ATG7: variants seen among roughly 807,000 people sequenced by gnomAD.
ATG7 encodes ubiquitin-like modifier-activating enzyme ATG7.
ATG7 carries 70 observed loss-of-function variants against 82.4 expected under a neutral mutation model. The observed-to-expected ratio is 0.85, with a 90% confidence interval of 0.70 to 1.04. ATG7 has a LOEUF of 1.04. ATG7 is among the 50% of genes least tolerant of loss of function. The pLI, the probability that ATG7 is intolerant of heterozygous loss-of-function variation, is 0.00. For missense variants in ATG7, 792 were observed against 864.3 expected (o/e 0.92, Z 1.05); for synonymous variants, 287 against 313.0 (o/e 0.92, Z 0.88).
intron 20 of ATG7, among the ~76,000 whole-genome samples, chr3:11,447,916 G>A (rs890132781): frequency 1.3e-5 from 2 of 152,188 alleles, no homozygotes; most frequent in African/African-American, 4.8e-5. Flanking sequence ...GCAGATGGAT[G>A]GGTGTTGGGC....
At chr3:11,448,760 C>T (rs1341794700) in intron 20 of ATG7, among the ~76,000 whole-genome samples, 1 of 152,130 alleles carries the variant, frequency 6.6e-6, no homozygotes, top group Non-Finnish European at 1.5e-5. Flanking sequence ...GCAACAGAGG[C>T]ATCAGTAAAC....
At chr3:11,440,708 A>ACTTT (rs1198736243) in intron 20 of ATG7, among the ~76,000 whole-genome samples, 1 of 48,438 alleles carries the variant, frequency 2.1e-5, no homozygotes, top group African/African-American at 8.8e-5. Context: ...TTTGAGACGG[A>ACTTT]CTTTCGCTCT....
chr3:11,326,444 G>A (rs1950889959), intron 9 of ATG7, among the ~76,000 whole-genome samples: 1 of 152,054 alleles, frequency 6.6e-6, no homozygotes, highest in East Asian at 1.9e-4. Context: ...GACTACAGGT[G>A]CCCGCCATCA....
At chr3:11,451,010 C>T (rs2085066521) in intron 20 of ATG7, among the ~76,000 whole-genome samples, 1 of 152,138 alleles carries the variant, frequency 6.6e-6, no homozygotes, top group South Asian at 2.1e-4. Flanking sequence ...GTACCAAATA[C>T]AGTCATTATG....
intron 1 of ATG7, among the ~76,000 whole-genome samples, chr3:11,274,879 G>A (rs1416541528): frequency 6.6e-6 from 1 of 152,000 alleles, no homozygotes; most frequent in Non-Finnish European, 1.5e-5. Flanking sequence ...AAAATGTGGG[G>A]GCGGGGGTGG....
At chr3:11,399,390 A>G (rs2079598581) in intron 19 of ATG7, among the ~76,000 whole-genome samples, 1 of 152,212 alleles carries the variant, frequency 6.6e-6, no homozygotes, top group Non-Finnish European at 1.5e-5. Context: ...GAATAAATTT[A>G]TAGTTCAATG....
chr3:11,297,383 A>G (rs1440043472), intron 3 of ATG7, among the ~76,000 whole-genome samples: 1 of 152,152 alleles, frequency 6.6e-6, no homozygotes, highest in East Asian at 1.9e-4. Flanking sequence ...GTGACTGTTC[A>G]TATGTTCTGC....
At chr3:11,471,331 A>T (rs986812680) in intron 20 of ATG7, among the ~76,000 whole-genome samples, 3 of 152,092 alleles carry the variant, frequency 2.0e-5, no homozygotes, top group African/African-American at 7.2e-5. Flanking sequence ...TCAAGCCTTC[A>T]TTCTTCATAG....
intron 20 of ATG7, among the ~76,000 whole-genome samples, chr3:11,445,828 A>T (rs1358855391): frequency 6.6e-6 from 1 of 152,102 alleles, no homozygotes; most frequent in Non-Finnish European, 1.5e-5. Flanking sequence ...TCACATTTTA[A>T]AATTTTTGCC....
At chr3:11,441,711 G>C (rs1488115919) in intron 20 of ATG7, among the ~76,000 whole-genome samples, 1 of 147,614 alleles carries the variant, frequency 6.8e-6, no homozygotes, top group East Asian at 2.0e-4. Flanking sequence ...CTGTTGCCCA[G>C]GCTGGAGTGC....
At chr3:11,290,501 C>A (rs1049954163) in intron 3 of ATG7, 1 of 335,570 alleles carries the variant, frequency 3.0e-6, no homozygotes, top group East Asian at 1.0e-4. Context: ...CCTGTTTTTA[C>A]TTTTGGTAGT....
At chr3:11,513,955 C>A (rs1004042137) in intron 20 of ATG7, among the ~76,000 whole-genome samples, 6 of 152,174 alleles carry the variant, frequency 3.9e-5, no homozygotes, top group Non-Finnish European at 8.8e-5. Context: ...TCTTGATCTC[C>A]CACGCTCAAG....
chr3:11,316,413 A>T (rs1186738501), intron 9 of ATG7, among the ~76,000 whole-genome samples: 1 of 152,172 alleles, frequency 6.6e-6, no homozygotes, highest in Non-Finnish European at 1.5e-5. Context: ...CTCGTGTTGT[A>T]TCATCTTCCT....
At chr3:11,519,819 C>A (rs1007976250) in intron 20 of ATG7, among the ~76,000 whole-genome samples, 2 of 152,046 alleles carry the variant, frequency 1.3e-5, no homozygotes, top group African/African-American at 4.8e-5. Context: ...CCTCGGCCTC[C>A]CAAAGTGCTG....
intron 20 of ATG7, among the ~76,000 whole-genome samples, chr3:11,490,876 C>G (rs1322892782): frequency 2.6e-5 from 4 of 152,088 alleles, no homozygotes; most frequent in African/African-American, 7.2e-5. Flanking sequence ...TGTGGGTAAC[C>G]TGACCTTTCT....
chr3:11,565,583 A>G, the ATG7 span, among the ~76,000 whole-genome samples: 1 of 151,836 alleles, frequency 6.6e-6, no homozygotes, highest in East Asian at 1.9e-4. The surrounding 1 kb of genome is among the most constrained non-coding windows in gnomAD (Gnocchi z 4.1). Flanking sequence ...ATCAGCTCAG[A>G]CTCCCAGCTG....
intron 13 of ATG7, 31 bp downstream of exon 13, chr3:11,342,310 C>T (rs759251821): frequency 5.0e-6 from 8 of 1,590,924 alleles, no homozygotes; most frequent in South Asian, 3.4e-5. Flanking sequence ...GCAAATGGCA[C>T]CTTTGAAGTT....
chr3:11,397,505 T>A (rs2079411719), intron 19 of ATG7, among the ~76,000 whole-genome samples: 1 of 152,080 alleles, frequency 6.6e-6, no homozygotes, highest in Non-Finnish European at 1.5e-5. Context: ...TCACCCAGGC[T>A]GGAGTGCAGT....
chr3:11,415,725 T>C (rs930408689), intron 19 of ATG7, among the ~76,000 whole-genome samples: 3 of 151,176 alleles, frequency 2.0e-5, no homozygotes, highest in Admixed American at 6.6e-5. Context: ...TCATCTCTTA[T>C]GATAGCAATG....
Sources: allele counts gnomAD v4.1 joint callset (sites outside exome capture counted in the v4.1 genomes callset), GRCh38; gene constraint gnomAD v4.1.1; non-coding constraint Gnocchi (gnomAD v3.1); transcripts MANE v1.5; gene names NCBI Gene and HGNC (gene_info 2026-07-23, HGNC 2026-07-21).